MPP7: variants seen among roughly 807,000 people sequenced by gnomAD.
MPP7 encodes MAGUK p55 scaffold protein 7, also known as MAGUK p55 subfamily member 7.
MPP7 carries 60 observed loss-of-function variants against 76.5 expected under a neutral mutation model. The observed-to-expected ratio is 0.78, with a 90% CI of 0.64 to 0.97. The LOEUF is 0.97. Ranked by LOEUF, MPP7 falls within the 50% of genes least tolerant of loss-of-function variation. MPP7 has a pLI of 0.00. For missense variants in MPP7, 641 were observed against 694.0 expected (o/e 0.92, Z 0.86); for synonymous variants, 237 against 244.5 (o/e 0.97, Z 0.29).
chr10:28,226,184 A>G (rs186829703), intron 2 of MPP7, among the ~76,000 whole-genome samples: 1 of 152,210 alleles, frequency 6.6e-6, no homozygotes, highest in Admixed American at 6.5e-5. Context: ...AATATCTAAA[A>G]TAGACAAATT....
intron 1 of MPP7, among the ~76,000 whole-genome samples, chr10:28,241,317 A>AT (rs774212522): frequency 6.6e-6 from 1 of 152,116 alleles, no homozygotes; most frequent in Non-Finnish European, 1.5e-5. Flanking sequence ...TCAAGGTTAA[A>AT]TTTTTCCAAA....
intron 2 of MPP7, among the ~76,000 whole-genome samples, chr10:28,323,202 A>T (rs1162640934): frequency 6.6e-6 from 1 of 152,024 alleles, no homozygotes; most frequent in Non-Finnish European, 1.5e-5. Flanking sequence ...GGAGAATGGC[A>T]TGAACCTTGG....
chr10:28,167,483 G>GC (rs1361837654), intron 3 of MPP7, among the ~76,000 whole-genome samples: 1 of 152,156 alleles, frequency 6.6e-6, no homozygotes, highest in Non-Finnish European at 1.5e-5. Context: ...GGGAAGGAAA[G>GC]CAAGGGAACA....
intron 2 of MPP7, among the ~76,000 whole-genome samples, chr10:28,229,567 G>T (rs773874561): frequency 5.9e-5 from 9 of 152,094 alleles, no homozygotes; most frequent in Admixed American, 1.3e-4. Flanking sequence ...AATATGTGAG[G>T]AACTCTAAAT....
chr10:28,188,825 C>T (rs1347887232), intron 3 of MPP7, among the ~76,000 whole-genome samples: 2 of 149,718 alleles, frequency 1.3e-5, no homozygotes, highest in Admixed American at 6.6e-5. Context: ...TAAGTGTTGA[C>T]GGAAAAAAAA....
chr10:28,089,936 TACCATAATATTG>T, intron 11 of MPP7, 95 bp from the exon 12 acceptor site: 1 of 701,750 alleles, frequency 1.4e-6, no homozygotes, highest in Non-Finnish European at 2.3e-6. Flanking sequence ...GGATTTTATT[TACCATAATATTG>T]GGTTTTTAAA....
chr10:28,115,836 G>A (rs1190216590), intron 11 of MPP7, among the ~76,000 whole-genome samples: 1 of 152,094 alleles, frequency 6.6e-6, no homozygotes, highest in African/African-American at 2.4e-5. Flanking sequence ...CTTTTTACCT[G>A]CATAATAATA....
At chr10:28,323,757 A>G (rs1166162336) in intron 2 of MPP7, among the ~76,000 whole-genome samples, 1 of 152,150 alleles carries the variant, frequency 6.6e-6, no homozygotes, top group Non-Finnish European at 1.5e-5. Context: ...CAATGAATGA[A>G]GTTCAGTCTC....
At chr10:28,101,953 T>C (rs1315973314) in intron 11 of MPP7, among the ~76,000 whole-genome samples, 4 of 152,072 alleles carry the variant, frequency 2.6e-5, no homozygotes, top group African/African-American at 9.7e-5. Flanking sequence ...CAAAAGCCTA[T>C]AGGAAGAAAT....
intron 3 of MPP7, among the ~76,000 whole-genome samples, chr10:28,187,534 T>A (rs1837277239): frequency 6.6e-6 from 1 of 152,176 alleles, no homozygotes; most frequent in Non-Finnish European, 1.5e-5. Flanking sequence ...TTTTTGTTTT[T>A]CCTCCCACCC....
intron 1 of MPP7, among the ~76,000 whole-genome samples, chr10:28,248,093 A>G (rs1365991461): frequency 6.6e-6 from 1 of 152,202 alleles, no homozygotes; most frequent in Non-Finnish European, 1.5e-5. Flanking sequence ...GGAAAGTAAC[A>G]TGCCAGTCAT....
Position 28,202,143 on chromosome 10 carries a change from C to G in MPP7, c.156+10G>C. ...TTTCGCAAAGAGAATCTGACATCAG[C>G]ATGGTTTACCTTTACCAATGAATGC... On this transcript the variant is annotated intron_variant, in intron 3 of 16. Transcript: ENST00000683449. The G allele has an allele frequency of 6.4e-7, 1 of 1,570,334 alleles. No homozygotes were observed. Among genetic ancestry groups the G allele is most frequent in the Non-Finnish European group, 8.8e-7 (1 of 1,141,602 alleles).
intron 3 of MPP7, among the ~76,000 whole-genome samples, chr10:28,189,907 C>A (rs1837358149): frequency 6.6e-6 from 1 of 151,886 alleles, no homozygotes; most frequent in Non-Finnish European, 1.5e-5. Context: ...AAGAAAGACC[C>A]AACTCCCAAC....
chr10:28,224,999 A>G (rs1048267043), intron 2 of MPP7, among the ~76,000 whole-genome samples: 4 of 152,212 alleles, frequency 2.6e-5, no homozygotes, highest in African/African-American at 9.6e-5. Context: ...TAACTTTTAA[A>G]TAAAGAATAG....
At chr10:28,104,396 GT>G (rs1362782038) in intron 11 of MPP7, among the ~76,000 whole-genome samples, 6 of 152,106 alleles carry the variant, frequency 3.9e-5, no homozygotes, top group Non-Finnish European at 7.4e-5. Flanking sequence ...ATTTTAACAC[GT>G]TTTTTAAATA....
intron 3 of MPP7, among the ~76,000 whole-genome samples, chr10:28,170,915 A>G (rs923148075): frequency 6.6e-5 from 10 of 152,328 alleles, no homozygotes; most frequent in Non-Finnish European, 1.0e-4. Context: ...ATCCTCTCAC[A>G]TGACGAGATA....
rs1852492899 is a variant in MPP7, at chr10:28,076,578, C to T, written c.1124-6726G>A. Among the ~76,000 whole-genome samples the T allele has an allele frequency of 2.0e-5, 3 of 151,966 alleles. No homozygotes were observed. In the South Asian group the frequency reaches 6.2e-4, roughly 32 times the overall value. On this transcript the variant is annotated intron_variant, in intron 12 of 16. Coordinates refer to ENST00000683449, the MANE Select transcript of MPP7 (RefSeq NM_001318170.2). ...ACACACAGAAGCAAACACAGCAAAA[C>T]ACTATTATAAAATCCAAATAGAGGC...
intron 1 of MPP7, among the ~76,000 whole-genome samples, chr10:28,287,600 T>TA (rs1840818520): frequency 6.6e-6 from 1 of 152,178 alleles, no homozygotes; most frequent in African/African-American, 2.4e-5. Flanking sequence ...TAATGCCAAA[T>TA]ACAGGAGTGT....
intron 3 of MPP7, among the ~76,000 whole-genome samples, chr10:28,195,110 C>T (rs1274912343): frequency 6.6e-6 from 1 of 152,122 alleles, no homozygotes; most frequent in African/African-American, 2.4e-5. Context: ...CCAAAGAAGA[C>T]ATACAAATAG....
Sources: allele counts gnomAD v4.1 joint callset (sites outside exome capture counted in the v4.1 genomes callset), GRCh38; gene constraint gnomAD v4.1.1; transcripts MANE v1.5; gene names NCBI Gene and HGNC (gene_info 2026-07-23, HGNC 2026-07-21).